Variants in UGT2A1 observed in about 807,000 individuals in gnomAD.
UGT2A1 encodes the protein UDP glucuronosyltransferase family 2 member A1 complex locus, also known as UDP-glucuronosyltransferase 2A1.
UGT2A1 carries 61 observed loss-of-function variants against 45.4 expected under a neutral mutation model. That is an observed-to-expected ratio of 1.34 (90% CI 1.09 to 1.66). The LOEUF (loss-of-function observed/expected upper bound fraction) is 1.66. UGT2A1 is among the 40% of genes most tolerant of loss of function. The probability of loss-of-function intolerance (pLI) is 0.00; values close to 1 mark genes in which losing one functional copy is unlikely to be tolerated. For missense variants in UGT2A1, 649 were observed against 574.3 expected, an observed-to-expected ratio of 1.13 and a Z score of -1.33; for synonymous variants, 229 against 196.2, an observed-to-expected ratio of 1.17 and a Z score of -1.40.
intron 3 of UGT2A1, among the ~76,000 whole-genome samples, chr4:69,617,671 C>A (rs907810447): frequency 1.3e-5 from 2 of 151,482 alleles, no homozygotes; most frequent in East Asian, 3.9e-4. Context: ...CATACAGGGT[C>A]CATTAAGACG....
chr4:69,637,173 C>T (rs866767219), intron 2 of UGT2A1, among the ~76,000 whole-genome samples: 4 of 151,970 alleles, frequency 2.6e-5, no homozygotes, highest in African/African-American at 7.2e-5. Context: ...AAAGAAACTA[C>T]GGTTAAATTA....
At chr4:69,625,003 C>A (rs369242151) in intron 3 of UGT2A1, among the ~76,000 whole-genome samples, 6 of 150,140 alleles carry the variant, frequency 4.0e-5, no homozygotes, top group Non-Finnish European at 8.9e-5. Context: ...CTTGTAGCAA[C>A]AAAAAAAATC....
intron 3 of UGT2A1, among the ~76,000 whole-genome samples, chr4:69,623,079 AAC>A (rs1201640595): frequency 6.6e-6 from 1 of 151,788 alleles, no homozygotes; most frequent in East Asian, 1.9e-4. Context: ...GAAGGCAATA[AAC>A]ACAGATAACA....
intron 2 of UGT2A1, among the ~76,000 whole-genome samples, chr4:69,646,412 A>G (rs533405065): frequency 6.6e-6 from 1 of 151,954 alleles, no homozygotes; most frequent in Admixed American, 6.6e-5. Context: ...CACCCTGATC[A>G]ATGGTTGTAG....
At chr4:69,593,141 G>T (rs1278490718) in intron 6 of UGT2A1, among the ~76,000 whole-genome samples, 2 of 152,018 alleles carry the variant, frequency 1.3e-5, no homozygotes, top group Non-Finnish European at 1.5e-5. Flanking sequence ...AGCAGTGAGT[G>T]AATATTGCTA....
intron 6 of UGT2A1, among the ~76,000 whole-genome samples, chr4:69,591,373 G>A (rs969148211): frequency 6.6e-6 from 1 of 152,266 alleles, no homozygotes; most frequent in South Asian, 2.1e-4. Flanking sequence ...CCAGGCTATA[G>A]GTAAATTTAA....
chr4:69,646,943 A>C lies in UGT2A1; in HGVS notation c.702T>G (p.Tyr234Ter). 3 of 1,586,032 alleles carry C rather than the reference A, an allele frequency of 1.9e-6. No individual in the cohort carries two copies. The highest frequency in any genetic ancestry group is 2.3e-5 in the South Asian group (2 of 85,494). ...TTTGTTACATACCTAAAGCTTTACT[A>C]TAGTATGAATCCCATGATTTCCAAA... ...ETLWKSWDSYYSKALGGLLLC... is the reference protein window; with the variant it reads ...ETLWKSWDSY Residue 234 changes from tyrosine to a stop codon, truncating the protein, a stop_gained, in exon 2 of 7, where the codon TAT becomes TAG. Transcript: ENST00000286604. LOFTEE classifies it high-confidence loss of function.
chr4:69,604,559 C>T lies in UGT2A1; in HGVS notation c.848-5165G>A, dbSNP rs1463017865. ...AACATCATAATGACAGGATCAAGTT[C>T]ACACATAAGAATATTAACCTTAAAC... On this transcript the variant is annotated intron_variant, in intron 3 of 6. Coordinates refer to ENST00000286604, the MANE Select transcript of UGT2A1 (RefSeq NM_001252275.3). Among the ~76,000 whole-genome samples, 4 of 136,278 alleles carry T rather than the reference C, an allele frequency of 2.9e-5. 1 individual carries two copies. The highest frequency in any genetic ancestry group is 6.2e-5 in the Non-Finnish European group (4 of 64,182). The allele number at this position is 136,278 out of a possible 152,430, so 89.4% of individuals were successfully genotyped here.
intron 3 of UGT2A1, among the ~76,000 whole-genome samples, chr4:69,616,396 T>C (rs976344546): frequency 6.6e-6 from 1 of 151,980 alleles, no homozygotes; most frequent in Non-Finnish European, 1.5e-5. Context: ...TTTCCTAACA[T>C]AGAAAAGATA....
intron 2 of UGT2A1, chr4:69,638,837 A>T (rs1721872424): frequency 6.8e-7 from 1 of 1,461,576 alleles, no homozygotes; most frequent in African/African-American, 1.4e-5. Context: ...ATCGTTTGCC[A>T]TATGACAATA....
intron 3 of UGT2A1, among the ~76,000 whole-genome samples, chr4:69,618,703 A>G (rs1040281381): frequency 2.6e-5 from 4 of 152,010 alleles, no homozygotes; most frequent in Non-Finnish European, 5.9e-5. Flanking sequence ...GTGTAATTCT[A>G]AGTTCAATCA....
chr4:69,629,503 A>G (rs1403085995), intron 3 of UGT2A1, among the ~76,000 whole-genome samples: 1 of 152,056 alleles, frequency 6.6e-6, no homozygotes, highest in African/African-American at 2.4e-5. Flanking sequence ...ATTTACCATG[A>G]TCACCAGTTT....
At chr4:69,625,643 A>G (rs550831143) in intron 3 of UGT2A1, among the ~76,000 whole-genome samples, 1 of 151,260 alleles carries the variant, frequency 6.6e-6, no homozygotes, top group East Asian at 1.9e-4. Context: ...TTATATGCTT[A>G]CTTTTATGTT....
rs143064060 is a variant in UGT2A1 at position 69,627,598 on chromosome 4, A to AAAAGAAAGAAAGAAAG, written c.847+8077_847+8092dup. ...AGAGAGAAAGAAAAAAAGAAGAAAG[A>AAAAGAAAGAAAGAAAG]AAAGAAAGAAAGAAAGAGAAGAAAG... On this transcript the variant is annotated intron_variant, in intron 3 of 6. Coordinates refer to ENST00000286604, the MANE Select transcript of UGT2A1 (RefSeq NM_001252275.3). Among the ~76,000 whole-genome samples the AAAAGAAAGAAAGAAAG allele has an allele frequency of 1.8e-3, 264 of 149,218 alleles. 3 individuals carry two copies. Among genetic ancestry groups the AAAAGAAAGAAAGAAAG allele is most frequent in the African/African-American group, 5.9e-3 (240 of 40,624 alleles).
intron 6 of UGT2A1, among the ~76,000 whole-genome samples, chr4:69,594,077 C>G (rs1718759764): frequency 1.3e-5 from 2 of 151,272 alleles, no homozygotes; most frequent in Admixed American, 6.6e-5. Flanking sequence ...CGGGTTCACG[C>G]CATTCTCCTG....
intron 3 of UGT2A1, among the ~76,000 whole-genome samples, chr4:69,625,660 G>A (rs1049497640): frequency 6.7e-6 from 1 of 150,022 alleles, no homozygotes; most frequent in African/African-American, 2.4e-5. Context: ...TGTTCTTTTG[G>A]CCATACCCTA....
chr4:69,623,358 A>G (rs1213097599), intron 3 of UGT2A1, among the ~76,000 whole-genome samples: 1 of 151,756 alleles, frequency 6.6e-6, no homozygotes, highest in Non-Finnish European at 1.5e-5. Flanking sequence ...AAGAATTTGA[A>G]TACAAGTAAT....
intron 3 of UGT2A1, among the ~76,000 whole-genome samples, chr4:69,609,817 A>T (rs1489826487): frequency 6.6e-6 from 1 of 152,192 alleles, no homozygotes; most frequent in Non-Finnish European, 1.5e-5. Context: ...AATTACAGTC[A>T]ATTGTCAATT....
intron 2 of UGT2A1, among the ~76,000 whole-genome samples, chr4:69,638,376 G>A (rs561805209): frequency 3.3e-5 from 5 of 152,248 alleles, no homozygotes; most frequent in African/African-American, 1.2e-4. Context: ...CCACAGGATA[G>A]AGAGAAATTA....
Sources: allele counts gnomAD v4.1 joint callset (sites outside exome capture counted in the v4.1 genomes callset), GRCh38; gene constraint gnomAD v4.1.1; transcripts MANE v1.5; gene names NCBI Gene and HGNC (gene_info 2026-07-23, HGNC 2026-07-21).